FKBP1A: variants seen among roughly 807,000 people sequenced by gnomAD.
FKBP1A encodes FKBP prolyl isomerase 1A.
Under a neutral mutation model 14.2 loss-of-function variants are expected in FKBP1A, and 5 were observed. The observed-to-expected ratio is 0.35, with a 90% CI of 0.18 to 0.74. The LOEUF (loss-of-function observed/expected upper bound fraction) is 0.74, where lower values mean the gene tolerates loss of function less well. Among genes scored for constraint, FKBP1A ranks in the 30% least tolerant of loss-of-function variants. The pLI is 0.56. For missense variants in FKBP1A, 53 were observed against 138.8 expected (o/e 0.38, Z 3.10); for synonymous variants, 42 against 49.1 (o/e 0.86, Z 0.60).
At chr20:1,370,307 T>C (rs1033670474) in intron 4 of FKBP1A, 14 of 985,328 alleles carry the variant, frequency 1.4e-5, no homozygotes, top group African/African-American at 1.7e-5. Flanking sequence ...AAGGTTAAGT[T>C]TGCCTTGCTG....
chr20:1,390,243 A>G (rs181307402), intron 2 of FKBP1A, among the ~76,000 whole-genome samples: 1 of 151,988 alleles, frequency 6.6e-6, no homozygotes, highest in Admixed American at 6.6e-5. Flanking sequence ...CTGGATCAAG[A>G]GTGTTCACCT....
chr20:1,381,280 T>G (rs1392766585), intron 2 of FKBP1A, among the ~76,000 whole-genome samples: 1 of 152,136 alleles, frequency 6.6e-6, no homozygotes, highest in African/African-American at 2.4e-5. Context: ...GGGCTAAAGA[T>G]TTGAACAGAT....
At chr20:1,372,004 C>T (rs966506788) in intron 4 of FKBP1A, 72 bp downstream of exon 4, 34 of 1,546,784 alleles carry the variant, frequency 2.2e-5, no homozygotes, top group Non-Finnish European at 2.9e-5. Context: ...CTCTCTGCTA[C>T]CCATCAAACG....
At chr20:1,372,381 C>T (rs1348976797) in intron 3 of FKBP1A, 141 bp from the exon 4 acceptor site, 1 of 793,794 alleles carries the variant, frequency 1.3e-6, no homozygotes, top group Non-Finnish European at 2.1e-6. Flanking sequence ...CAGGCATCAC[C>T]ACCTCCTTGT....
chr20:1,372,057 C>T lies in FKBP1A; in HGVS notation c.*36+19G>A. On this transcript the variant is annotated intron_variant, in intron 4 of 4. Transcript: ENST00000400137. ...GGAGCAAAGGCAGTGAAGGGCCCTT[C>T]AGTATTCCATTTCCTTACCCAAGAA... 1 of 1,608,866 alleles carries T rather than the reference C, an allele frequency of 6.2e-7. No homozygotes were observed. The highest frequency in any genetic ancestry group is 8.5e-7 in the Non-Finnish European group (1 of 1,177,396).
chr20:1,376,327 A>G (rs1310386076), intron 2 of FKBP1A, among the ~76,000 whole-genome samples: 1 of 152,254 alleles, frequency 6.6e-6, no homozygotes, highest in Non-Finnish European at 1.5e-5. Context: ...TGGGAAAGTA[A>G]AAACCAACCT....
intron 2 of FKBP1A, chr20:1,377,659 CCCAA>C (rs1264414018): frequency 6.6e-6 from 1 of 152,272 alleles, no homozygotes; most frequent in Admixed American, 6.5e-5. Context: ...TGGAACCCAA[CCCAA>C]CCAACCTCAG....
In FKBP1A at chr20:1,369,457, T is replaced by C. The variant is rs2089432183; in HGVS notation, c.*652A>G. 6.8e-6 allele frequency: 1 copy of C among 147,400 alleles called. No individual in the cohort carries two copies. The allele number at this position is 147,400 out of a possible 1,614,324, so 9.1% of individuals were successfully genotyped here. A position where few individuals can be genotyped will look rare whatever the true frequency, so the allele number is the denominator to read the frequency against. On this transcript the variant is annotated 3_prime_UTR_variant, in exon 5 of 5. Coordinates refer to ENST00000400137, the MANE Select transcript of FKBP1A (RefSeq NM_000801.5). ...GGACAGATACCTGTAGTGTCCAGCA[T>C]TGCAGTGAACATGATCTACTTTCAA...
At position 1,393,031 on chromosome 20, in the gene FKBP1A, CGACGGGCGGCGT is replaced by C. The variant is rs1317090043; in HGVS notation, c.-45_-34del. The C allele has an allele frequency of 4.3e-6, 6 of 1,399,464 alleles. No homozygotes were observed. Among genetic ancestry groups the C allele is most frequent in the Non-Finnish European group, 1.9e-6 (2 of 1,060,840 alleles). 86.7% of individuals were successfully genotyped at this position (1,399,464 alleles called of 1,614,324 possible). A position where few individuals can be genotyped will look rare whatever the true frequency, so the allele number is the denominator to read the frequency against. On this transcript the variant is annotated 5_prime_UTR_variant, in exon 1 of 5. Coordinates refer to ENST00000400137, the MANE Select transcript of FKBP1A (RefSeq NM_000801.5). ...GCGGACGCTGAGCGGGCGGGCGGCG[CGACGGGCGGCGT>C]GGACCAACAGCGACCTGGCGGCGGT...
At chr20:1,375,410 G>T in intron 3 of FKBP1A, 81 bp downstream of exon 3, 2 of 991,226 alleles carry the variant, frequency 2.0e-6, no homozygotes, top group Admixed American at 2.3e-5. Context: ...TTTTATTTTT[G>T]AACCGTATAA....
chr20:1,385,141 G>A (rs1042091362), intron 2 of FKBP1A, among the ~76,000 whole-genome samples: 8 of 152,210 alleles, frequency 5.3e-5, no homozygotes, highest in African/African-American at 1.9e-4. Flanking sequence ...TGTAATCCTA[G>A]CACTTTGGGA....
rs1052481159 is a variant in FKBP1A, at chr20:1,386,579, T to C, written c.85+6255A>G. 5.3e-5 allele frequency among the ~76,000 whole-genome samples: 8 copies of C among 152,204 alleles called. No individual in the cohort carries two copies. The highest frequency in any genetic ancestry group is 1.9e-4 in the African/African-American group (8 of 41,440). ...GTGCATTGTTGCAGAATTAGAAGCA[T>C]GCATGTATGCATCCAAAGTGTTACT... On this transcript the variant is annotated intron_variant, in intron 2 of 4. Transcript: ENST00000400137. The surrounding 1 kb of genome is among the most constrained non-coding windows in gnomAD (Gnocchi z 4.7).
chr20:1,386,000 AT>A (rs2089665711), intron 2 of FKBP1A, among the ~76,000 whole-genome samples: 3 of 152,192 alleles, frequency 2.0e-5, no homozygotes, highest in Non-Finnish European at 4.4e-5. Flanking sequence ...AATCATATTT[AT>A]TATGTCTTTT....
chr20:1,371,816 CATA>C, intron 4 of FKBP1A: 3 of 1,147,432 alleles, frequency 2.6e-6, no homozygotes, highest in Non-Finnish European at 3.2e-6. Context: ...TTATAAACTA[CATA>C]GAAAAACATT....
At chr20:1,374,690 C>T (rs2089515140) in intron 3 of FKBP1A, 1 of 152,170 alleles carries the variant, frequency 6.6e-6, no homozygotes, top group African/African-American at 2.4e-5. Context: ...AAAATGAAGT[C>T]TGTACAAGGT....
At position 1,379,909 on chromosome 20, in the gene FKBP1A, G is replaced by A. The variant is rs2089597808; in HGVS notation, c.86-4306C>T. 6.6e-6 allele frequency among the ~76,000 whole-genome samples: 1 copy of A among 152,132 alleles called. No individual in the cohort carries two copies. The highest frequency in any genetic ancestry group is 6.5e-5 in the Admixed American group (1 of 15,278). The stretch of plus-strand genomic sequence containing the variant: ...TCTATGGCCCTAAGTTGTCAGCCTG[G>A]GGGAGAAGGTGGAAGCAGTGTTTGT... On this transcript the variant is annotated intron_variant, in intron 2 of 4. Coordinates refer to ENST00000400137, the MANE Select transcript of FKBP1A (RefSeq NM_000801.5). This position sits in a 1 kb window ranked among gnomAD's most constrained non-coding sequence, Gnocchi z 4.3.
intron 2 of FKBP1A, among the ~76,000 whole-genome samples, chr20:1,381,070 A>G (rs2089612044): frequency 6.6e-6 from 1 of 152,238 alleles, no homozygotes; most frequent in African/African-American, 2.4e-5. Context: ...ATTTCTTAGT[A>G]TGATGTCAAA....
intron 2 of FKBP1A, among the ~76,000 whole-genome samples, chr20:1,383,853 A>G (rs1334475485): frequency 6.7e-6 from 1 of 149,398 alleles, no homozygotes; most frequent in African/African-American, 2.5e-5. Context: ...AAAAAAAAAA[A>G]GGTGTAATGG....
At chr20:1,375,966 G>A (rs1020912108) in intron 2 of FKBP1A, among the ~76,000 whole-genome samples, 1 of 152,098 alleles carries the variant, frequency 6.6e-6, no homozygotes, top group Admixed American at 6.5e-5. Context: ...GTCCCTCGAG[G>A]TGCACACTAT....
Sources: allele counts gnomAD v4.1 joint callset (sites outside exome capture counted in the v4.1 genomes callset), GRCh38; gene constraint gnomAD v4.1.1; non-coding constraint Gnocchi (gnomAD v3.1); transcripts MANE v1.5; gene names NCBI Gene and HGNC (gene_info 2026-07-23, HGNC 2026-07-21).